APLF: variants seen among roughly 807,000 people sequenced by gnomAD.
APLF encodes aprataxin and PNK-like factor.
In APLF, 61 loss-of-function variants were observed where a neutral mutation model predicts 55.6. That is an observed-to-expected ratio of 1.10 (90% CI 0.89 to 1.36). APLF has a LOEUF of 1.36. Among genes scored for constraint, APLF ranks in the 40% most tolerant of loss-of-function variants. The pLI, the probability that APLF is intolerant of heterozygous loss-of-function variation, is 0.00. For synonymous variants in APLF, 207 were observed against 214.8 expected, an observed-to-expected ratio of 0.96 and a Z score of 0.32; for missense variants, 611 against 602.5, an observed-to-expected ratio of 1.01 and a Z score of -0.15.
intron 1 of APLF, among the ~76,000 whole-genome samples, chr2:68,468,050 C>T (rs1193340441): frequency 6.6e-6 from 1 of 152,196 alleles, no homozygotes; most frequent in East Asian, 1.9e-4. Context: ...ATTATCTTAT[C>T]CAGGGATTGG....
Position 68,537,858 on chromosome 2 carries a change from T to C in APLF, c.805-14T>C, listed in dbSNP as rs906520453. 2 of 1,511,530 alleles carry C rather than the reference T, an allele frequency of 1.3e-6. No individual in the cohort carries two copies. The highest frequency in any genetic ancestry group is 1.8e-4 in the Middle Eastern group (1 of 5,568). 93.6% of individuals were successfully genotyped at this position (1,511,530 alleles called of 1,614,324 possible). A position where few individuals can be genotyped will look rare whatever the true frequency, so the allele number is the denominator to read the frequency against. On this transcript the variant is annotated splice_polypyrimidine_tract_variant and intron_variant, in intron 6 of 9. Coordinates refer to ENST00000303795, the MANE Select transcript of APLF (RefSeq NM_173545.3). ...TTTCATTTATTTCTGATGTTTTTCA[T>C]ATTTGTTTTACAGGAAATGCCACAA...
At chr2:68,493,837 G>T (rs1040712044) in intron 2 of APLF, among the ~76,000 whole-genome samples, 2 of 152,098 alleles carry the variant, frequency 1.3e-5, no homozygotes, top group East Asian at 3.9e-4. Flanking sequence ...GGCCAGGCGC[G>T]GTGGCTCACG....
chr2:68,535,206 T>C (rs1670353506), intron 6 of APLF: 1 of 334,136 alleles, frequency 3.0e-6, no homozygotes. Context: ...TAGATGGAGT[T>C]GAAATATGAT....
In APLF at chr2:68,528,249, T is replaced by C; in HGVS notation, c.804+2007T>C. The C allele has an allele frequency of 2.4e-6, 3 of 1,271,752 alleles. No individual in the cohort carries two copies. The East Asian group carries it at 7.6e-5, about 32-fold the overall frequency. The allele number at this position is 1,271,752 out of a possible 1,614,324, so 78.8% of individuals were successfully genotyped here. On this transcript the variant is annotated intron_variant, in intron 6 of 9. Coordinates refer to ENST00000303795, the MANE Select transcript of APLF (RefSeq NM_173545.3). The stretch of plus-strand genomic sequence containing the variant: ...GGGCCACCATGCCTGCCCTGCTGTC[T>C]CTTCTTTCTCCTCCTAAGCAGCTGT...
intron 1 of APLF, among the ~76,000 whole-genome samples, chr2:68,486,926 C>G (rs1209452441): frequency 6.6e-6 from 1 of 152,026 alleles, no homozygotes; most frequent in African/African-American, 2.4e-5. Flanking sequence ...TAATTTATGC[C>G]ATTTGTCCTA....
In APLF at chr2:68,549,009, C is replaced by T; in HGVS notation, c.1286+3697C>T. Among the ~76,000 whole-genome samples the T allele has an allele frequency of 1.3e-5, 2 of 151,988 alleles. 1 individual carries two copies. The highest frequency in any genetic ancestry group is 3.8e-4 in the East Asian group (2 of 5,204). On this transcript the variant is annotated intron_variant, in intron 8 of 9. Coordinates refer to ENST00000303795, the MANE Select transcript of APLF (RefSeq NM_173545.3). Reference sequence around the variant, plus strand: ...GATAAGCTCTAAAAACCTACCACAACACTGTTATTAAATAAATCTTTAATA... The same window carrying T: ...GATAAGCTCTAAAAACCTACCACAATACTGTTATTAAATAAATCTTTAATA...
rs1016028443 is a variant in APLF at position 68,490,372 on chromosome 2, A to G, written c.168+111A>G. ...GGGAATAGGGAATTAATGTCAGAAT[A>G]TACCCTTCTCATTGCCAGAAAATAA... is the stretch of plus-strand genomic sequence containing the variant. On this transcript the variant is annotated intron_variant, in intron 2 of 9. Transcript: ENST00000303795. 19 of 731,582 alleles carry G rather than the reference A, an allele frequency of 2.6e-5. No individual in the cohort carries two copies. In the Admixed American group the frequency reaches 6.0e-4, roughly 23 times the overall value. 45.3% of individuals were successfully genotyped at this position (731,582 alleles called of 1,614,324 possible).
At chr2:68,474,337 G>A (rs1675706690) in intron 1 of APLF, among the ~76,000 whole-genome samples, 1 of 152,190 alleles carries the variant, frequency 6.6e-6, no homozygotes, top group African/African-American at 2.4e-5. Context: ...AGAGGAGGCT[G>A]GGGCTTGGGG....
At chr2:68,493,345 C>T (rs1676429300) in intron 2 of APLF, among the ~76,000 whole-genome samples, 1 of 152,020 alleles carries the variant, frequency 6.6e-6, no homozygotes, top group African/African-American at 2.4e-5. Flanking sequence ...AATTAGATCC[C>T]TACTGCAGAC....
At chr2:68,519,338 A>G (rs991343205) in intron 5 of APLF, among the ~76,000 whole-genome samples, 10 of 146,882 alleles carry the variant, frequency 6.8e-5, no homozygotes, top group African/African-American at 2.5e-4. Flanking sequence ...TGAAGTGCCC[A>G]AAAACATGAT....
chr2:68,511,318 GATGT>G (rs1327773461), intron 3 of APLF, among the ~76,000 whole-genome samples: 1 of 151,636 alleles, frequency 6.6e-6, no homozygotes, highest in Non-Finnish European at 1.5e-5. Context: ...ATTACTCATA[GATGT>G]ATTTGAAGAT....
At chr2:68,569,066 T>A (rs1671384371) in intron 9 of APLF, among the ~76,000 whole-genome samples, 1 of 152,168 alleles carries the variant, frequency 6.6e-6, no homozygotes, top group South Asian at 2.1e-4. Context: ...GTTTTTCTTG[T>A]ATCCCAAATC....
rs1326159541 is a variant in APLF, at chr2:68,518,338, A to G, written c.622+4658A>G. 1.9e-3 allele frequency among the ~76,000 whole-genome samples: 211 copies of G among 113,492 alleles called. 2 individuals carry two copies. Among genetic ancestry groups the G allele is most frequent in the Non-Finnish European group, 2.9e-3 (180 of 61,264 alleles). The allele number at this position is 113,492 out of a possible 152,430, so 74.5% of individuals were successfully genotyped here. On this transcript the variant is annotated intron_variant, in intron 5 of 9. Coordinates refer to ENST00000303795, the MANE Select transcript of APLF (RefSeq NM_173545.3). ...TTAATAATATATAATATATTAATAA[A>G]TAATTATATATTAATATAGCAATAT... is the stretch of plus-strand genomic sequence containing the variant.
At chr2:68,471,367 T>C (rs1330582058) in intron 1 of APLF, among the ~76,000 whole-genome samples, 1 of 152,350 alleles carries the variant, frequency 6.6e-6, no homozygotes, top group African/African-American at 2.4e-5. Flanking sequence ...CTGATAAATA[T>C]ATACTATGGT....
Position 68,545,225 on chromosome 2 carries a change from G to C in APLF, c.1199G>C (p.Gly400Ala). 6.2e-7 allele frequency: 1 copy of C among 1,613,734 alleles called. No homozygotes were observed. The highest frequency in any genetic ancestry group is 8.5e-7 in the Non-Finnish European group (1 of 1,179,808). The change falls in exon 8 of 10, where the codon GGT becomes GCT. Residue 400 changes from glycine to alanine, a missense_variant. Physicochemically the swap from Gly to Ala is moderately conservative, Grantham distance 60. Coordinates refer to ENST00000303795, the MANE Select transcript of APLF (RefSeq NM_173545.3). ...CATTTTCAACATTTTAGCCATCCTG[G>C]TGATAGTGATTATGGAGGTGTACAA... Reference protein sequence around the residue: ...PVHFQHFSHPGDSDYGGVQIV... With the variant: ...PVHFQHFSHPADSDYGGVQIV...
intron 6 of APLF, chr2:68,535,507 A>C (rs1369335868): frequency 5.6e-6 from 1 of 179,780 alleles, no homozygotes; most frequent in African/African-American, 2.4e-5. Flanking sequence ...TTCAGTTAAA[A>C]AATATCTTTA....
Position 68,567,395 on chromosome 2 carries a change from A to C in APLF, c.1333+8A>C. ...GACATAATACGCTTCCAGGTAAGTA[A>C]GTTTACTTCAGAAAATTCAAAATGA... On this transcript the variant is annotated splice_region_variant and intron_variant, in intron 9 of 9. Transcript: ENST00000303795. 6.3e-7 allele frequency: 1 copy of C among 1,587,632 alleles called. No individual in the cohort carries two copies. The highest frequency in any genetic ancestry group is 8.6e-7 in the Non-Finnish European group (1 of 1,165,372).
At chr2:68,511,852 C>G (rs896569443) in intron 3 of APLF, among the ~76,000 whole-genome samples, 4 of 151,578 alleles carry the variant, frequency 2.6e-5, no homozygotes, top group Non-Finnish European at 5.9e-5. Context: ...AAATGTGATG[C>G]TGCATAGTAA....
intron 8 of APLF, among the ~76,000 whole-genome samples, chr2:68,553,394 G>C (rs1200739712): frequency 1.3e-5 from 2 of 151,920 alleles, no homozygotes; most frequent in Admixed American, 1.3e-4. Flanking sequence ...CCAATGTTCA[G>C]TTTAGTTATA....
Sources: gnomAD v4.1 joint callset for allele counts (sites outside exome capture counted in the v4.1 genomes callset) on GRCh38, gnomAD v4.1.1 for gene constraint, MANE v1.5 for transcripts, NCBI Gene and HGNC (gene_info 2026-07-23, HGNC 2026-07-21) for gene names.